Variants in XRN1 observed in about 807,000 individuals in gnomAD.
The protein encoded by XRN1 is 5'-3' exoribonuclease 1.
A neutral mutation model predicts 222.3 loss-of-function variants in XRN1; 67 were observed. The observed-to-expected ratio is 0.30, with a 90% CI of 0.25 to 0.37. The LOEUF (loss-of-function observed/expected upper bound fraction) is 0.37, where lower values mean the gene tolerates loss of function less well. XRN1 is among the 10% of genes least tolerant of loss of function. The pLI is 1.00. For synonymous variants in XRN1, 643 were observed against 652.4 expected (o/e 0.99, Z 0.22); for missense variants, 1,707 against 2,000.2 (o/e 0.85, Z 2.80).
Position 142,375,878 on chromosome 3 carries a change from T to G in XRN1, c.2898A>C (p.Val966=). 1 of 1,613,976 alleles carries G rather than the reference T, an allele frequency of 6.2e-7. No homozygotes were observed. The highest frequency in any genetic ancestry group is 1.1e-5 in the South Asian group (1 of 91,062). ...NLKFNKKNEE[V]PGYTKKVGSE... ...TTCCAACTTTCTTAGTATATCCAGG[T>G]ACCTCCTCATTTTTCTTGTTGAATT... Residue 966 remains valine (V), a synonymous_variant, in exon 25 of 41, where the codon GTA becomes GTC. Coordinates refer to ENST00000392981, the MANE Select transcript of XRN1 (RefSeq NM_001282857.2).
chr3:142,407,627 C>T (rs1248698744), intron 15 of XRN1: 2 of 152,226 alleles, frequency 1.3e-5, no homozygotes, highest in Non-Finnish European at 2.9e-5. Context: ...CTGTGCCCGG[C>T]CTACTTTTTT....
intron 1 of XRN1, among the ~76,000 whole-genome samples, chr3:142,441,184 G>A (rs755677394): frequency 6.6e-6 from 1 of 152,164 alleles, no homozygotes; most frequent in Non-Finnish European, 1.5e-5. Context: ...AGCCTATACT[G>A]CTTATCCTCA....
At chr3:142,340,421 G>A (rs187062167) in intron 33 of XRN1, among the ~76,000 whole-genome samples, 36 of 151,340 alleles carry the variant, frequency 2.4e-4, no homozygotes, top group Admixed American at 2.3e-3. Flanking sequence ...GCACGTCTAC[G>A]AGATCTAGAA....
At chr3:142,391,745 A>ATAT (rs1285125894) in intron 20 of XRN1, among the ~76,000 whole-genome samples, 4 of 80,272 alleles carry the variant, frequency 5.0e-5, no homozygotes, top group South Asian at 5.7e-4. Flanking sequence ...CTAAAAAAAA[A>ATAT]AAAAATATAT....
chr3:142,378,293 T>C (rs919044689), intron 23 of XRN1, among the ~76,000 whole-genome samples: 11 of 152,364 alleles, frequency 7.2e-5, no homozygotes, highest in African/African-American at 2.4e-4. Context: ...AGACTGTTCA[T>C]TCTTAGCTGA....
intron 1 of XRN1, 45 bp from the exon 2 acceptor site, chr3:142,432,938 C>A: frequency 7.1e-7 from 1 of 1,405,754 alleles, no homozygotes; most frequent in Non-Finnish European, 9.9e-7. Flanking sequence ...TTTTAATCAA[C>A]TACAGATATC....
chr3:142,354,639 C>T (rs1038708749), intron 32 of XRN1, among the ~76,000 whole-genome samples: 2 of 152,142 alleles, frequency 1.3e-5, no homozygotes, highest in African/African-American at 4.8e-5. Flanking sequence ...CTCACTGCAA[C>T]CTCTGGCCTC....
At chr3:142,333,929 T>C (rs1050906754) in intron 34 of XRN1, among the ~76,000 whole-genome samples, 1 of 152,216 alleles carries the variant, frequency 6.6e-6, no homozygotes, top group Admixed American at 6.5e-5. Context: ...TGCCTTGATC[T>C]TGGACTTCTC....
chr3:142,443,358 G>A lies in XRN1; in HGVS notation c.75+4512C>T, dbSNP rs187682913. Among the ~76,000 whole-genome samples the A allele has an allele frequency of 2.4e-3, 368 of 152,252 alleles. 6 individuals are homozygous for A. The highest frequency in any genetic ancestry group is 8.4e-3 in the African/African-American group (349 of 41,530). On this transcript the variant is annotated intron_variant, in intron 1 of 40. Coordinates refer to ENST00000392981, the MANE Select transcript of XRN1 (RefSeq NM_001282857.2). ...AGACAGGACTAGCTACATTTCCTAG[G>A]CCGACTAAGAATCCCTAAGCCTAGC...
Position 142,418,621 on chromosome 3 carries a change from A to C in XRN1, c.1241-12T>G. On this transcript the variant is annotated splice_polypyrimidine_tract_variant and intron_variant, in intron 11 of 40. Transcript: ENST00000392981. ...ATCTTCTAAATTATCTGGGGAAAAA[A>C]GTCAGAAAGATAGTGACTGACAATT... 1 of 1,574,502 alleles carries C rather than the reference A, an allele frequency of 6.4e-7. No homozygotes were observed. Among genetic ancestry groups the C allele is most frequent in the Non-Finnish European group, 8.6e-7 (1 of 1,158,322 alleles).
At chr3:142,429,317 T>C (rs2069414424) in intron 2 of XRN1, among the ~76,000 whole-genome samples, 1 of 151,670 alleles carries the variant, frequency 6.6e-6, no homozygotes, top group African/African-American at 2.4e-5. Flanking sequence ...TGGCTAATTG[T>C]TTTTGTATTT....
intron 29 of XRN1, among the ~76,000 whole-genome samples, chr3:142,362,418 G>A (rs915265496): frequency 7.2e-5 from 11 of 152,200 alleles, no homozygotes; most frequent in African/African-American, 2.6e-4. Context: ...TTACAGGCAT[G>A]AGCTACTGCG....
intron 29 of XRN1, 59 bp from the exon 30 acceptor site, chr3:142,359,990 G>T: frequency 1.6e-6 from 2 of 1,264,048 alleles, no homozygotes; most frequent in South Asian, 1.4e-5. Context: ...AAAATCAACA[G>T]ATAAGTTTTT....
At chr3:142,367,323 A>C (rs2066848590) in intron 27 of XRN1, among the ~76,000 whole-genome samples, 1 of 152,022 alleles carries the variant, frequency 6.6e-6, no homozygotes, top group African/African-American at 2.4e-5. Context: ...CCAGAATCTC[A>C]AGTCACACCC....
At chr3:142,407,030 C>T (rs1359518227) in intron 15 of XRN1, among the ~76,000 whole-genome samples, 2 of 152,274 alleles carry the variant, frequency 1.3e-5, no homozygotes, top group African/African-American at 4.8e-5. Context: ...ACAGTGAGAA[C>T]GCAAGCTTTT....
At chr3:142,364,445 T>G (rs1346572202) in intron 29 of XRN1, among the ~76,000 whole-genome samples, 1 of 152,210 alleles carries the variant, frequency 6.6e-6, no homozygotes, top group Non-Finnish European at 1.5e-5. Context: ...TCTCTGATTT[T>G]TTTTTTCACC....
rs75242900 is a variant in XRN1, at chr3:142,390,257, A to G, written c.2340-5572T>C. On this transcript the variant is annotated intron_variant, in intron 20 of 40. Coordinates refer to ENST00000392981, the MANE Select transcript of XRN1 (RefSeq NM_001282857.2). ...AGTTAACCTGATTTTTGAGGCTTTG[A>G]AGCCAGGCATTGGCTTCTCCTCTGC... Among the ~76,000 whole-genome samples the G allele has an allele frequency of 9.4e-3, 1,438 of 152,326 alleles. 22 individuals carry two copies. The highest frequency in any genetic ancestry group is 0.033 in the African/African-American group (1,361 of 41,568).
At chr3:142,322,209 A>G (rs1442837375) in intron 37 of XRN1, among the ~76,000 whole-genome samples, 2 of 152,132 alleles carry the variant, frequency 1.3e-5, no homozygotes, top group South Asian at 2.1e-4. Flanking sequence ...TCAAATTTTC[A>G]TAATTATATA....
intron 1 of XRN1, among the ~76,000 whole-genome samples, chr3:142,445,690 T>A (rs190971698): frequency 3.3e-5 from 5 of 152,328 alleles, no homozygotes; most frequent in East Asian, 1.9e-4. Flanking sequence ...ACTTCCAGCA[T>A]AACATTTCCG....
Sources: gnomAD v4.1 joint callset for allele counts (sites outside exome capture counted in the v4.1 genomes callset) on GRCh38, gnomAD v4.1.1 for gene constraint, MANE v1.5 for transcripts, NCBI Gene and HGNC (gene_info 2026-07-23, HGNC 2026-07-21) for gene names.